The following FAM53B variants were observed in gnomAD, a reference collection of about 807,000 sequenced individuals.
FAM53B encodes family with sequence similarity 53 member B.
A neutral mutation model predicts 32.7 loss-of-function variants in FAM53B; 12 were observed. That is an observed-to-expected ratio of 0.37 (90% confidence interval 0.24 to 0.59). FAM53B has a LOEUF of 0.59. Ranked by LOEUF, FAM53B falls within the 20% of genes least tolerant of loss-of-function variation. The pLI is 0.72. For synonymous variants in FAM53B, 234 were observed against 228.7 expected (o/e 1.02, Z -0.21); for missense variants, 477 against 577.7 (o/e 0.83, Z 1.79).
At chr10:124,658,442 T>G (rs923547728) in intron 4 of FAM53B, among the ~76,000 whole-genome samples, 36 of 152,210 alleles carry the variant, frequency 2.4e-4, no homozygotes, top group African/African-American at 8.4e-4. Context: ...AAGGCTGCTT[T>G]GCCAAGTGGG....
At chr10:124,707,454 T>G (rs535040235) in intron 1 of FAM53B, among the ~76,000 whole-genome samples, 1 of 152,244 alleles carries the variant, frequency 6.6e-6, no homozygotes, top group African/African-American at 2.4e-5. Context: ...AGGCATACAT[T>G]TGGCCAGGCA....
chr10:124,636,138 A>T (rs1384375213), intron 4 of FAM53B, among the ~76,000 whole-genome samples: 1 of 152,224 alleles, frequency 6.6e-6, no homozygotes, highest in Non-Finnish European at 1.5e-5. Flanking sequence ...GCACACACTA[A>T]GTTAGAAAAG....
intron 4 of FAM53B, among the ~76,000 whole-genome samples, chr10:124,672,360 C>T (rs920078509): frequency 2.0e-5 from 3 of 152,254 alleles, no homozygotes; most frequent in African/African-American, 4.8e-5. Context: ...GGGCTTCCCA[C>T]GAGGCGTTCT....
At chr10:124,705,127 G>C (rs1022713030) in intron 2 of FAM53B, among the ~76,000 whole-genome samples, 4 of 152,224 alleles carry the variant, frequency 2.6e-5, no homozygotes, top group Admixed American at 6.5e-5. Context: ...GCAGCTGGGG[G>C]TGACACCCCA....
rs1949665924 is a variant in FAM53B, at chr10:124,665,634, T to G, written c.906+15973A>C. On this transcript the variant is annotated intron_variant, in intron 4 of 4. Transcript: ENST00000337318. ...GCTATTATGGATCCTGCTAGATGGG[T>G]GAGAAAACCAAGGCTCAGAGGATAC... Among the ~76,000 whole-genome samples, 3 of 152,088 alleles carry G rather than the reference T, an allele frequency of 2.0e-5. No homozygotes were observed. The South Asian group carries it at 6.2e-4, about 32-fold the overall frequency.
intron 4 of FAM53B, among the ~76,000 whole-genome samples, chr10:124,647,750 T>G (rs567497209): frequency 1.3e-5 from 2 of 151,904 alleles, no homozygotes; most frequent in East Asian, 3.9e-4. Flanking sequence ...CTCACTGAAG[T>G]GTTGAGGGCA....
chr10:124,686,114 C>G (rs566659226), intron 3 of FAM53B, among the ~76,000 whole-genome samples: 5 of 152,346 alleles, frequency 3.3e-5, no homozygotes, highest in East Asian at 1.9e-4. Context: ...CTCCTCCCCC[C>G]AGCTTTGTGT....
At chr10:124,638,641 C>T (rs1949449306) in intron 4 of FAM53B, among the ~76,000 whole-genome samples, 1 of 152,216 alleles carries the variant, frequency 6.6e-6, no homozygotes, top group African/African-American at 2.4e-5. Context: ...GGACCACTGA[C>T]CACCTCACCC....
At chr10:124,655,362 C>T (rs3781458) in intron 4 of FAM53B, among the ~76,000 whole-genome samples, 82,529 of 151,678 alleles carry the variant, frequency 0.54, 23,151 homozygotes, top group Non-Finnish European at 0.62. Context: ...TGGGGAGGGG[C>T]CTGAAAGCCA....
At chr10:124,719,844 CAGG>C (rs369897678) in intron 1 of FAM53B, among the ~76,000 whole-genome samples, 196 of 152,254 alleles carry the variant, frequency 1.3e-3, no homozygotes, top group Non-Finnish European at 2.3e-3. Context: ...CAAAAATGTG[CAGG>C]AGAAGGAAAA....
At chr10:124,647,362 A>G (rs1949523770) in intron 4 of FAM53B, among the ~76,000 whole-genome samples, 1 of 152,124 alleles carries the variant, frequency 6.6e-6, no homozygotes, top group Admixed American at 6.5e-5. Flanking sequence ...TCTCTTGCTC[A>G]TAAACCCCAC....
At position 124,672,476 on chromosome 10, in the gene FAM53B, A is replaced by G. The variant is rs76870260; in HGVS notation, c.906+9131T>C. Among the ~76,000 whole-genome samples, 738 of 152,326 alleles carry G rather than the reference A, an allele frequency of 4.8e-3. 8 individuals are homozygous for G. The highest frequency in any genetic ancestry group is 0.017 in the African/African-American group (713 of 41,584). On this transcript the variant is annotated intron_variant, in intron 4 of 4. Coordinates refer to ENST00000337318, the MANE Select transcript of FAM53B (RefSeq NM_014661.4). ...TGCATCCTCTGAGGCCCAGCTGGGG[A>G]TTACTAGGCTTCATTAGGAGAATCG... is the stretch of plus-strand genomic sequence containing the variant.
At chr10:124,669,242 A>G (rs1016825991) in intron 4 of FAM53B, among the ~76,000 whole-genome samples, 7 of 152,256 alleles carry the variant, frequency 4.6e-5, no homozygotes, top group Admixed American at 3.3e-4. Context: ...CGCACTGTCC[A>G]CACACCTCCG....
intron 4 of FAM53B, among the ~76,000 whole-genome samples, chr10:124,668,943 G>A (rs1011066658): frequency 1.3e-5 from 2 of 152,218 alleles, no homozygotes; most frequent in Admixed American, 6.5e-5. Context: ...CGCCTCTCAC[G>A]GAGGGAAGTG....
intron 1 of FAM53B, among the ~76,000 whole-genome samples, chr10:124,709,583 T>C (rs1589759017): frequency 6.6e-6 from 1 of 152,046 alleles, no homozygotes; most frequent in Non-Finnish European, 1.5e-5. Context: ...TCATCGGAGG[T>C]AGGCCTTAAA....
Position 124,623,616 on chromosome 10 carries a change from C to T in FAM53B, c.907-12G>A, listed in dbSNP as rs1461344702. 6.2e-7 allele frequency: 1 copy of T among 1,605,376 alleles called. No homozygotes were observed. Among genetic ancestry groups the T allele is most frequent in the Non-Finnish European group, 8.5e-7 (1 of 1,178,098 alleles). On this transcript the variant is annotated splice_polypyrimidine_tract_variant and intron_variant, in intron 4 of 4. Transcript: ENST00000337318. ...AAGGTCTGACAGTTCTGTGGAGGGG[C>T]AGACACACAGGTTACTAAGGGTTAC...
intron 1 of FAM53B, among the ~76,000 whole-genome samples, chr10:124,736,104 C>T (rs1490325413): frequency 6.6e-6 from 1 of 152,272 alleles, no homozygotes; most frequent in East Asian, 1.9e-4. Flanking sequence ...TCCTACCTGG[C>T]ACTGCTCTGC....
At chr10:124,630,617 G>A (rs1018698073) in intron 4 of FAM53B, among the ~76,000 whole-genome samples, 22 of 152,284 alleles carry the variant, frequency 1.4e-4, no homozygotes, top group Admixed American at 7.8e-4. Flanking sequence ...TGCCAGGAGC[G>A]GGAAGGTACT....
chr10:124,696,129 C>G, intron 3 of FAM53B, 29 bp downstream of exon 3: 2 of 1,596,968 alleles, frequency 1.3e-6, no homozygotes, highest in Non-Finnish European at 1.7e-6. Context: ...ACTAGGAGGA[C>G]AGCTTCCAGG....
Sources: allele counts gnomAD v4.1 joint callset (sites outside exome capture counted in the v4.1 genomes callset), GRCh38; gene constraint gnomAD v4.1.1; transcripts MANE v1.5; gene names NCBI Gene and HGNC (gene_info 2026-07-23, HGNC 2026-07-21).